The following LAPTM5 variants were observed in gnomAD, a reference collection of about 807,000 sequenced individuals.
LAPTM5 encodes lysosomal protein transmembrane 5, also known as lysosomal-associated transmembrane protein 5.
LAPTM5 carries 11 observed loss-of-function variants against 30.1 expected under a neutral mutation model. The observed-to-expected ratio is 0.37, with a 90% CI of 0.23 to 0.60. The LOEUF (loss-of-function observed/expected upper bound fraction) is 0.60. Among genes scored for constraint, LAPTM5 ranks in the 20% least tolerant of loss-of-function variants. LAPTM5 has a pLI of 0.71. For missense variants in LAPTM5, 324 were observed against 332.5 expected, an observed-to-expected ratio of 0.97 and a Z score of 0.20; for synonymous variants, 151 against 137.9, an observed-to-expected ratio of 1.10 and a Z score of -0.67.
In LAPTM5 at chr1:30,739,659, A is replaced by G; in HGVS notation, c.387+150T>C. 4 of 826,138 alleles carry G rather than the reference A, an allele frequency of 4.8e-6. No individual in the cohort carries two copies. The South Asian group carries it at 9.2e-5, about 19-fold the overall frequency. The allele number at this position is 826,138 out of a possible 1,614,324, so 51.2% of individuals were successfully genotyped here. A position where few individuals can be genotyped will look rare whatever the true frequency, so the allele number is the denominator to read the frequency against. ...GAGGAAGAAACTTGGGGCAATGTGG[A>G]GGGACTCAGAGACTGGGTCAAGACA... is the stretch of plus-strand genomic sequence containing the variant. On this transcript the variant is annotated intron_variant, in intron 4 of 7. Coordinates refer to ENST00000294507, the MANE Select transcript of LAPTM5 (RefSeq NM_006762.3). This position sits in a 1 kb window ranked among gnomAD's most constrained non-coding sequence, Gnocchi z 4.2.
Position 30,741,675 on chromosome 1 carries a change from T to C in LAPTM5, c.223A>G (p.Ile75Val). 2.5e-6 allele frequency: 4 copies of C among 1,608,562 alleles called. No homozygotes were observed. Among genetic ancestry groups the C allele is most frequent in the Non-Finnish European group, 3.4e-6 (4 of 1,177,446 alleles). The change falls in exon 3 of 8, where the codon ATC becomes GTC. Residue 75 changes from isoleucine (I) to valine (V), a missense_variant. By Grantham distance (29) the Ile-to-Val change is conservative (BLOSUM62 3). Coordinates refer to ENST00000294507, the MANE Select transcript of LAPTM5 (RefSeq NM_006762.3). Reference protein sequence around the residue: ...SSFLLITMLFIISLSLLIGVV... With the variant: ...SSFLLITMLFVISLSLLIGVV... ...CCGATCAGTAGGCTCAGGCTGATGATGAAGAGCATGGTGATGAGCAGGAAG... is the reference window on the plus strand; with the variant it reads ...CCGATCAGTAGGCTCAGGCTGATGACGAAGAGCATGGTGATGAGCAGGAAG...
intron 2 of LAPTM5, chr1:30,742,234 A>G: frequency 1.7e-6 from 1 of 580,496 alleles, no homozygotes; most frequent in Non-Finnish European, 3.1e-6. Flanking sequence ...GCAAAGTGCC[A>G]TTCCATCTGC....
chr1:30,753,361 C>T (rs1029253775), intron 1 of LAPTM5, among the ~76,000 whole-genome samples: 3 of 152,056 alleles, frequency 2.0e-5, no homozygotes, highest in Admixed American at 1.3e-4. Context: ...AAACATACAG[C>T]ATGGAAAGGA....
At chr1:30,737,299 G>A (rs563681615) in intron 6 of LAPTM5, among the ~76,000 whole-genome samples, 105 of 152,328 alleles carry the variant, frequency 6.9e-4, no homozygotes, top group Non-Finnish European at 7.4e-4. Context: ...GACCAACCAC[G>A]CAGCTAGTGA....
chr1:30,744,054 C>G (rs1211119394), intron 1 of LAPTM5, among the ~76,000 whole-genome samples: 1 of 152,156 alleles, frequency 6.6e-6, no homozygotes, highest in Non-Finnish European at 1.5e-5. Context: ...ATTTGCAAAG[C>G]ACTGAGCTCA....
chr1:30,738,639 G>A (rs953178580), intron 5 of LAPTM5, among the ~76,000 whole-genome samples: 5 of 152,220 alleles, frequency 3.3e-5, no homozygotes, highest in Admixed American at 6.5e-5. Flanking sequence ...AATAAAAACT[G>A]ATATTATGTC....
chr1:30,750,566 G>A (rs1021940324), intron 1 of LAPTM5, among the ~76,000 whole-genome samples: 1 of 152,156 alleles, frequency 6.6e-6, no homozygotes, highest in Non-Finnish European at 1.5e-5. Flanking sequence ...GATTTTGCAG[G>A]TAAAATTGAA....
chr1:30,750,740 G>A (rs16834046), intron 1 of LAPTM5, among the ~76,000 whole-genome samples: 3,346 of 152,304 alleles, frequency 0.022, 106 homozygotes, highest in African/African-American at 0.076. Context: ...AGGCTGCAGA[G>A]TCACTTGCCC....
chr1:30,748,852 G>A (rs1640087440), intron 1 of LAPTM5, among the ~76,000 whole-genome samples: 1 of 152,242 alleles, frequency 6.6e-6, no homozygotes, highest in African/African-American at 2.4e-5. Context: ...GAACCCCAGT[G>A]CAGCCGCTGA....
In LAPTM5 at chr1:30,733,773, C is replaced by A; in HGVS notation, c.*55G>T. The A allele has an allele frequency of 6.4e-7, 1 of 1,572,202 alleles. No individual in the cohort carries two copies. Among genetic ancestry groups the A allele is most frequent in the Non-Finnish European group, 8.6e-7 (1 of 1,163,344 alleles). ...CACAGGGGCCACCAAAGCAAAAAAG[C>A]AGATTATGAGGCAGCTCCACCCCTC... is the stretch of plus-strand genomic sequence containing the variant. On this transcript the variant is annotated 3_prime_UTR_variant, in exon 8 of 8. Coordinates refer to ENST00000294507, the MANE Select transcript of LAPTM5 (RefSeq NM_006762.3).
chr1:30,752,663 C>T (rs1229939621), intron 1 of LAPTM5, among the ~76,000 whole-genome samples: 8 of 152,250 alleles, frequency 5.3e-5, no homozygotes, highest in Non-Finnish European at 8.8e-5. Context: ...TTGTCCTCGT[C>T]GGTTTTTCCT....
In LAPTM5 at chr1:30,733,586, C is replaced by G. The variant is rs545825544; in HGVS notation, c.*242G>C. On this transcript the variant is annotated 3_prime_UTR_variant, in exon 8 of 8. Transcript: ENST00000294507. ...AGTGTCAGAGCTGATTGAAATAAAC[C>G]AAGCATTGTTGGGCTGAATTATGGA... The G allele has an allele frequency of 2.4e-5, 36 of 1,520,854 alleles. No individual in the cohort carries two copies. Among genetic ancestry groups the G allele is most frequent in the Non-Finnish European group, 3.1e-5 (35 of 1,137,770 alleles). The allele number at this position is 1,520,854 out of a possible 1,614,324, so 94.2% of individuals were successfully genotyped here. A position where few individuals can be genotyped will look rare whatever the true frequency, so the allele number is the denominator to read the frequency against.
At chr1:30,735,492 T>TG (rs1639873212) in intron 6 of LAPTM5, among the ~76,000 whole-genome samples, 1 of 152,178 alleles carries the variant, frequency 6.6e-6, no homozygotes, top group African/African-American at 2.4e-5. Context: ...CAAGGGGATT[T>TG]GGGGGGCTTC....
chr1:30,741,851 CA>C, intron 2 of LAPTM5, 135 bp from the exon 3 acceptor site: 1 of 577,932 alleles, frequency 1.7e-6, no homozygotes, highest in South Asian at 2.1e-5. Flanking sequence ...TGCCCTCTTG[CA>C]GTCCTGAGTC....
In LAPTM5 at chr1:30,739,127, G is replaced by T; in HGVS notation, c.388-65C>A. 3 of 1,536,118 alleles carry T rather than the reference G, an allele frequency of 2.0e-6. No homozygotes were observed. The highest frequency in any genetic ancestry group is 2.6e-6 in the Non-Finnish European group (3 of 1,137,298). On this transcript the variant is annotated intron_variant, in intron 4 of 7. Transcript: ENST00000294507. The surrounding 1 kb of genome is among the most constrained non-coding windows in gnomAD (Gnocchi z 4.2). Reference sequence around the variant, plus strand: ...CAATTAAAGTCCCAGTTACTGAGCGGCACATAGTAGGCCCTCACTTGAGAG... The same window carrying T: ...CAATTAAAGTCCCAGTTACTGAGCGTCACATAGTAGGCCCTCACTTGAGAG...
chr1:30,748,146 AG>A (rs1640074404), intron 1 of LAPTM5, among the ~76,000 whole-genome samples: 1 of 152,030 alleles, frequency 6.6e-6, no homozygotes, highest in African/African-American at 2.4e-5. Flanking sequence ...AGGGAGGTAA[AG>A]GTTATAGAGA....
In LAPTM5 at chr1:30,733,685, G is replaced by A; in HGVS notation, c.*143C>T. ...GCTCACAGGCCCTGCAGGAGGAGCAGGCCAGCGAGGGAGACACAAGCAGAT... is the reference window on the plus strand; with the variant it reads ...GCTCACAGGCCCTGCAGGAGGAGCAAGCCAGCGAGGGAGACACAAGCAGAT... On this transcript the variant is annotated 3_prime_UTR_variant, in exon 8 of 8. Transcript: ENST00000294507. 1.3e-6 allele frequency: 2 copies of A among 1,534,252 alleles called. No individual in the cohort carries two copies. The highest frequency in any genetic ancestry group is 1.2e-5 in the South Asian group (1 of 83,356).
At chr1:30,755,248 A>G (rs1182415145) in intron 1 of LAPTM5, among the ~76,000 whole-genome samples, 3 of 151,794 alleles carry the variant, frequency 2.0e-5, no homozygotes, top group African/African-American at 7.3e-5. Context: ...GTGGCAGGGT[A>G]GGGAGATGGG....
At chr1:30,743,848 T>C (rs1356502271) in intron 1 of LAPTM5, among the ~76,000 whole-genome samples, 1 of 148,332 alleles carries the variant, frequency 6.7e-6, no homozygotes, top group African/African-American at 2.5e-5. Context: ...CTTGTCTTCC[T>C]GCCACATTAC....
Sources: allele counts gnomAD v4.1 joint callset (sites outside exome capture counted in the v4.1 genomes callset), GRCh38; gene constraint gnomAD v4.1.1; non-coding constraint Gnocchi (gnomAD v3.1); transcripts MANE v1.5; gene names NCBI Gene and HGNC (gene_info 2026-07-23, HGNC 2026-07-21).